Variants in GBP3 observed in about 807,000 individuals in gnomAD.
The protein encoded by GBP3 is guanylate binding protein 3.
GBP3 carries 55 observed loss-of-function variants against 62.4 expected under a neutral mutation model. The observed-to-expected ratio is 0.88, with a 90% CI of 0.71 to 1.10. The LOEUF (loss-of-function observed/expected upper bound fraction) is 1.10, where lower values mean the gene tolerates loss of function less well. Among genes scored for constraint, GBP3 ranks in the 50% least tolerant of loss-of-function variants. The pLI is 0.00. For synonymous variants in GBP3, 208 were observed against 259.2 expected (o/e 0.80, Z 1.90); for missense variants, 605 against 690.6 (o/e 0.88, Z 1.39).
intron 10 of GBP3, 194 bp downstream of exon 10, chr1:89,008,753 C>G (rs543350903): frequency 2.9e-6 from 3 of 1,021,678 alleles, no homozygotes; most frequent in African/African-American, 1.6e-5. Context: ...AATGTGACAC[C>G]CTGCAAATAA....
intron 6 of GBP3, 46 bp downstream of exon 6, chr1:89,013,139 T>C: frequency 6.3e-7 from 1 of 1,590,388 alleles, no homozygotes; most frequent in Non-Finnish European, 8.6e-7. Flanking sequence ...TGCCTGGCCA[T>C]CCTTTAGTTT....
intron 10 of GBP3, among the ~76,000 whole-genome samples, chr1:89,008,066 C>T (rs780605621): frequency 6.6e-6 from 1 of 152,024 alleles, no homozygotes; most frequent in Non-Finnish European, 1.5e-5. Flanking sequence ...CGTATGCCTT[C>T]TGCTCTATTG....
rs572801877 is a variant in GBP3, at chr1:89,008,056, C to T, written c.1660-204G>A. On this transcript the variant is annotated intron_variant, in intron 10 of 10. Transcript: ENST00000370481. ...TTTTCTATAGCCAAAAGAGTTTCAG[C>T]GTATGCCTTCTGCTCTATTGATGAA... is the stretch of plus-strand genomic sequence containing the variant. Among the ~76,000 whole-genome samples, 54 of 152,118 alleles carry T rather than the reference C, an allele frequency of 3.5e-4. 2 individuals are homozygous for T. In the South Asian group the frequency reaches 0.011, roughly 31 times the overall value.
At chr1:89,010,445 G>A (rs72965328) in intron 8 of GBP3, among the ~76,000 whole-genome samples, 6,735 of 137,420 alleles carry the variant, frequency 0.049, 888 homozygotes, top group African/African-American at 0.16. Flanking sequence ...TGAAAGACAG[G>A]GTCTGGCTCT....
Position 89,008,330 on chromosome 1 carries a change from A to G in GBP3, c.1660-478T>C, listed in dbSNP as rs547902199. ...TGGCAGGGGTAGCAGAAGATAGGCA[A>G]GGAAATCCGAGTGCCAGACTTACCA... On this transcript the variant is annotated intron_variant, in intron 10 of 10. Coordinates refer to ENST00000370481, the MANE Select transcript of GBP3 (RefSeq NM_018284.3). 4.9e-4 allele frequency among the ~76,000 whole-genome samples: 74 copies of G among 151,414 alleles called. 1 individual carries two copies. Among genetic ancestry groups the G allele is most frequent in the Non-Finnish European group, 7.8e-4 (53 of 67,916 alleles).
At chr1:89,021,544 A>ACACACCCCC (rs761151308) in intron 1 of GBP3, among the ~76,000 whole-genome samples, 2 of 140,948 alleles carry the variant, frequency 1.4e-5, no homozygotes, top group Non-Finnish European at 3.1e-5. Flanking sequence ...ACACACACAC[A>ACACACCCCC]CCCCAAAAAA....
rs138905780 is a variant in GBP3 at position 89,022,040 on chromosome 1, C to T, written c.-23+644G>A. Reference sequence around the variant, plus strand: ...CCAGAGGAAAAACTAGGCCACCGCCCTCTCTCTCTCTCAAAAAAAAAAAAG... The same window carrying T: ...CCAGAGGAAAAACTAGGCCACCGCCTTCTCTCTCTCTCAAAAAAAAAAAAG... On this transcript the variant is annotated intron_variant, in intron 1 of 10. Transcript: ENST00000370481. Among the ~76,000 whole-genome samples the T allele has an allele frequency of 6.5e-3, 574 of 88,462 alleles. 2 individuals are homozygous for T. The highest frequency in any genetic ancestry group is 0.019 in the African/African-American group (526 of 27,138). The allele number at this position is 88,462 out of a possible 152,430, so 58.0% of individuals were successfully genotyped here. A position where few individuals can be genotyped will look rare whatever the true frequency, so the allele number is the denominator to read the frequency against.
intron 10 of GBP3, among the ~76,000 whole-genome samples, chr1:89,008,529 G>C (rs1348971031): frequency 6.7e-6 from 1 of 148,236 alleles, no homozygotes; most frequent in Non-Finnish European, 1.5e-5. Flanking sequence ...TATTACTATG[G>C]ATTCCACTAA....
intron 2 of GBP3, 112 bp from the exon 3 acceptor site, chr1:89,015,526 A>C: frequency 1.1e-6 from 1 of 944,026 alleles, no homozygotes; most frequent in East Asian, 2.6e-5. Context: ...CCAAAACCAC[A>C]ATCAGTACTT....
At position 89,011,258 on chromosome 1, in the gene GBP3, A is replaced by T; in HGVS notation, c.1150-142T>A. 1.8e-6 allele frequency: 2 copies of T among 1,100,054 alleles called. 1 individual carries two copies. Among genetic ancestry groups the T allele is most frequent in the South Asian group, 3.0e-5 (2 of 67,640 alleles). 68.1% of individuals were successfully genotyped at this position (1,100,054 alleles called of 1,614,324 possible). A position where few individuals can be genotyped will look rare whatever the true frequency, so the allele number is the denominator to read the frequency against. ...GACTCCTCAGCAGGACCACGCTCTT[A>T]CTCCTGACCCCACTTTCTACTGAAA... On this transcript the variant is annotated intron_variant, in intron 7 of 10. Transcript: ENST00000370481.
intron 2 of GBP3, among the ~76,000 whole-genome samples, chr1:89,017,213 T>C (rs1678930677): frequency 6.6e-6 from 1 of 151,642 alleles, no homozygotes; most frequent in Non-Finnish European, 1.5e-5. Context: ...CTCACATCTA[T>C]AGTCAAAAAA....
intron 5 of GBP3, 83 bp from the exon 6 acceptor site, chr1:89,013,510 C>A: frequency 7.2e-7 from 1 of 1,391,924 alleles, no homozygotes; most frequent in Non-Finnish European, 9.7e-7. Flanking sequence ...GCTCTGCAGG[C>A]TAGGTGGTCT....
chr1:89,014,088 G>A lies in GBP3; in HGVS notation c.620C>T (p.Thr207Met), dbSNP rs200573819. The A allele has an allele frequency of 4.0e-5, 64 of 1,613,956 alleles. No homozygotes were observed. The East Asian group carries it at 1.2e-3, about 31-fold the overall frequency. ...DEYLEYSLKL[T>M]QGTSQKDKNF... ...CAATGGTACGTCTCTGTTACCTTGCGTTAGCTTCAGGGAATACTCCAGGTA... is the reference window on the plus strand; with the variant it reads ...CAATGGTACGTCTCTGTTACCTTGCATTAGCTTCAGGGAATACTCCAGGTA... The change falls in exon 5 of 11, where the codon ACG (threonine) becomes ATG (methionine). Residue 207 changes from threonine to methionine, a missense_variant. Thr to Met is a moderately conservative substitution (Grantham distance 81). Around this residue, in one of 3 missense-constraint regions of GBP3, gnomAD observed 308 missense variants for 318.0 expected, o/e 0.97. Transcript: ENST00000370481.
chr1:89,020,713 T>A lies in GBP3; in HGVS notation c.9A>T (p.Pro3=). MA[P]EIHMTGPMCL... ...ACATTGGGCCTGTCATGTGGATCTC[T>A]GGAGCCATGTCCAGGGCATTGTTCT... Residue 3 remains proline (P), a synonymous_variant, in exon 2 of 11, where the codon CCA becomes CCT. Transcript: ENST00000370481. The A allele has an allele frequency of 3.7e-6, 6 of 1,613,870 alleles. No individual in the cohort carries two copies. The highest frequency in any genetic ancestry group is 5.1e-6 in the Non-Finnish European group (6 of 1,179,768).
chr1:89,015,709 A>G (rs911480661), intron 2 of GBP3, among the ~76,000 whole-genome samples: 8 of 143,852 alleles, frequency 5.6e-5, no homozygotes, highest in African/African-American at 2.1e-4. Flanking sequence ...GCACCACTGC[A>G]CTCCAGCCTG....
intron 8 of GBP3, among the ~76,000 whole-genome samples, chr1:89,009,989 C>A (rs1310929611): frequency 1.3e-5 from 2 of 152,028 alleles, no homozygotes; most frequent in African/African-American, 2.4e-5. Context: ...TTTTAAGCAA[C>A]CATCATTGGG....
At position 89,007,456 on chromosome 1, in the gene GBP3, T is replaced by G. The variant is rs1678277708; in HGVS notation, c.*268A>C. The G allele has an allele frequency of 3.1e-6, 1 of 323,312 alleles. No homozygotes were observed. Among genetic ancestry groups the G allele is most frequent in the Non-Finnish European group, 5.7e-6 (1 of 175,870 alleles). The allele number at this position is 323,312 out of a possible 1,614,324, so 20.0% of individuals were successfully genotyped here. ...TTTTTACCTAAGACTTTCCTCAGTA[T>G]CCACTGGTCGTCTGGAAGAATAAAC... is the stretch of plus-strand genomic sequence containing the variant. On this transcript the variant is annotated 3_prime_UTR_variant, in exon 11 of 11. Transcript: ENST00000370481.
In GBP3 at chr1:89,011,110, G is replaced by T; in HGVS notation, c.1156C>A (p.Leu386Ile). 6.8e-7 allele frequency: 1 copy of T among 1,461,678 alleles called. No homozygotes were observed. Among genetic ancestry groups the T allele is most frequent in the East Asian group, 2.3e-5 (1 of 43,256 alleles). 90.5% of individuals were successfully genotyped at this position (1,461,678 alleles called of 1,614,324 possible). The change falls in exon 8 of 11, where the codon CTA (leucine) becomes ATA (isoleucine). Residue 386 changes from leucine to isoleucine, a missense_variant. Leu to Ile is a conservative substitution (Grantham distance 5, BLOSUM62 2). This residue lies in a region of GBP3 where 137 missense variants were observed against 224.7 expected (regional missense o/e 0.61). Coordinates refer to ENST00000370481, the MANE Select transcript of GBP3 (RefSeq NM_018284.3). ...HLFQKKLAAQ[L>I]DKKRDDFCKQ... is the part of the protein sequence containing the mutation. Reference sequence around the variant, plus strand: ...CAAAAGTCATCCCGCTTTTTGTCTAGCTGGGCCTTTAATGTAAAAATAGGA... The same window carrying T: ...CAAAAGTCATCCCGCTTTTTGTCTATCTGGGCCTTTAATGTAAAAATAGGA...
chr1:89,014,105 C>G lies in GBP3; in HGVS notation c.603G>C (p.Glu201Asp), dbSNP rs1678741401. 2 of 1,614,072 alleles carry G rather than the reference C, an allele frequency of 1.2e-6. No individual in the cohort carries two copies. Among genetic ancestry groups the G allele is most frequent in the Non-Finnish European group, 1.7e-6 (2 of 1,180,028 alleles). The change falls in exon 5 of 11, where the codon GAG becomes GAC. Residue 201 changes from glutamate (E) to aspartate (D), a missense_variant. Around this residue, in one of 3 missense-constraint regions of GBP3, gnomAD observed 308 missense variants for 318.0 expected, o/e 0.97. Transcript: ENST00000370481. Reference sequence around the variant, plus strand: ...TACCTTGCGTTAGCTTCAGGGAATACTCCAGGTACTCATCTGGTGTGAGGG... The same window carrying G: ...TACCTTGCGTTAGCTTCAGGGAATAGTCCAGGTACTCATCTGGTGTGAGGG... ...GQPLTPDEYLEYSLKLTQGTS... is the reference protein window; with the variant it reads ...GQPLTPDEYLDYSLKLTQGTS...
Sources: allele counts gnomAD v4.1 joint callset (sites outside exome capture counted in the v4.1 genomes callset), GRCh38; gene constraint gnomAD v4.1.1; regional missense constraint gnomAD v4.1.1; transcripts MANE v1.5; gene names NCBI Gene and HGNC (gene_info 2026-07-23, HGNC 2026-07-21).